LYST: variants seen among roughly 807,000 people sequenced by gnomAD.
LYST encodes lysosomal-trafficking regulator.
Under a neutral mutation model 413.6 loss-of-function variants are expected in LYST, and 192 were observed. The observed-to-expected ratio is 0.46, with a 90% CI of 0.41 to 0.52. LYST has a LOEUF of 0.52. Ranked by LOEUF, LYST falls within the 20% of genes least tolerant of loss-of-function variation. LYST has a pLI of 0.00. For missense variants in LYST, 3,815 were observed against 4,499.9 expected (o/e 0.85, Z 4.35); for synonymous variants, 1,525 against 1,567.3 (o/e 0.97, Z 0.64).
Position 235,806,481 on chromosome 1 carries a change from T to C in LYST, c.2655A>G (p.Arg885=). 6.2e-7 allele frequency: 1 copy of C among 1,614,090 alleles called. No homozygotes were observed. The highest frequency in any genetic ancestry group is 1.7e-5 in the Admixed American group (1 of 60,016). Residue 885 remains arginine, a synonymous_variant, in exon 6 of 53, where the codon AGA becomes AGG. Coordinates refer to ENST00000389793, the MANE Select transcript of LYST (RefSeq NM_000081.4). The stretch of plus-strand genomic sequence containing the variant: ...GAACATCTTGGTTAACAGTCTTCCG[T>C]CTCTTTGGATAAGCTTCTTTGAGGC... ...YAGLKEAYPK[R]RKTVNQDVHI... is the part of the protein sequence containing the mutation.
intron 2 of LYST, among the ~76,000 whole-genome samples, chr1:235,833,307 A>G (rs541285017): frequency 1.3e-4 from 20 of 152,174 alleles, no homozygotes; most frequent in African/African-American, 4.8e-4. Context: ...CAAAGAATAT[A>G]TAACATGAGG....
At chr1:235,795,513 G>A (rs1465886355) in intron 10 of LYST, among the ~76,000 whole-genome samples, 1 of 152,206 alleles carries the variant, frequency 6.6e-6, no homozygotes, top group Non-Finnish European at 1.5e-5. Flanking sequence ...CGCCAGCCAA[G>A]CCCTATATGT....
At chr1:235,837,437 G>A (rs1676690518) in intron 1 of LYST, among the ~76,000 whole-genome samples, 1 of 152,070 alleles carries the variant, frequency 6.6e-6, no homozygotes, top group Non-Finnish European at 1.5e-5. Context: ...AGACCAGCCT[G>A]GGCAACATGG....
chr1:235,876,029 C>T (rs1016186184), intron 1 of LYST, among the ~76,000 whole-genome samples: 1 of 151,856 alleles, frequency 6.6e-6, no homozygotes, highest in Admixed American at 6.6e-5. Context: ...TTGAGACCAG[C>T]CTGGCCAACA....
chr1:235,747,306 A>G, intron 28 of LYST: 1 of 442,990 alleles, frequency 2.3e-6, no homozygotes, highest in South Asian at 1.6e-5. Context: ...GATGAGGAAT[A>G]ATGGAACCCT....
chr1:235,724,052 G>A lies in LYST; in HGVS notation c.9291C>T (p.Leu3097=), dbSNP rs764059443. Residue 3097 remains leucine, a synonymous_variant, in exon 39 of 53, where the codon CTC becomes CTT. Transcript: ENST00000389793. The part of the protein sequence containing the change: ...VEIFLTNGRT[L]LLAFDNTKVR... Reference sequence around the variant, plus strand: ...CCTTGGTGTTATCAAATGCCAACAGGAGTGTTCTGCCATTTGTTAGAAAGA... The same window carrying A: ...CCTTGGTGTTATCAAATGCCAACAGAAGTGTTCTGCCATTTGTTAGAAAGA... The A allele has an allele frequency of 3.1e-6, 5 of 1,613,530 alleles. No individual in the cohort carries two copies. The East Asian group carries it at 8.9e-5, about 29-fold the overall frequency.
chr1:235,810,684 A>G (rs1673368890), intron 4 of LYST, 150 bp from the exon 5 acceptor site: 18 of 695,772 alleles, frequency 2.6e-5, no homozygotes, highest in Admixed American at 1.5e-4. Flanking sequence ...CATTTATGTC[A>G]TATCTCTGGG....
intron 13 of LYST, among the ~76,000 whole-genome samples, chr1:235,787,634 G>C (rs947872377): frequency 6.6e-6 from 1 of 151,940 alleles, no homozygotes. Flanking sequence ...TCAGAATTCA[G>C]TTTGTAAAAA....
At chr1:235,714,450 G>A (rs897878565) in intron 42 of LYST, among the ~76,000 whole-genome samples, 1 of 152,184 alleles carries the variant, frequency 6.6e-6, no homozygotes, top group African/African-American at 2.4e-5. Context: ...CCCTTTTATA[G>A]ACCAATAAGA....
chr1:235,751,396 T>A (rs1281053954), intron 27 of LYST, 34 bp from the exon 28 acceptor site: 1 of 1,584,824 alleles, frequency 6.3e-7, no homozygotes, highest in South Asian at 1.1e-5. Context: ...GTTTTCAAGC[T>A]ATGTGGTTAC....
intron 3 of LYST, chr1:235,827,537 C>A: frequency 1.0e-6 from 1 of 979,328 alleles, no homozygotes; most frequent in Non-Finnish European, 1.2e-6. Context: ...ATGATTTCAT[C>A]TTAAATGATA....
At chr1:235,757,140 A>C in intron 24 of LYST, 141 bp downstream of exon 24, 1 of 590,150 alleles carries the variant, frequency 1.7e-6, no homozygotes, top group Non-Finnish European at 2.9e-6. Flanking sequence ...TATGAGTATT[A>C]AGTAACAAAC....
At chr1:235,815,997 G>T (rs964021618) in intron 3 of LYST, among the ~76,000 whole-genome samples, 3 of 151,406 alleles carry the variant, frequency 2.0e-5, no homozygotes, top group Admixed American at 2.0e-4. Context: ...GGGCGTGGGG[G>T]TGCATGCCTG....
At chr1:235,683,850 G>GC (rs1660016587) in intron 48 of LYST, among the ~76,000 whole-genome samples, 1 of 152,186 alleles carries the variant, frequency 6.6e-6, no homozygotes, top group East Asian at 1.9e-4. Flanking sequence ...CCTTAGAGAT[G>GC]CCAGAATAGC....
intron 36 of LYST, 94 bp from the exon 37 acceptor site, chr1:235,729,751 A>T: frequency 2.3e-6 from 2 of 866,550 alleles, no homozygotes; most frequent in Non-Finnish European, 3.9e-6. Context: ...ATTTCTGCAA[A>T]GCAGACTAGA....
intron 47 of LYST, among the ~76,000 whole-genome samples, chr1:235,687,950 C>T (rs553245799): frequency 1.6e-4 from 24 of 152,326 alleles, no homozygotes; most frequent in Admixed American, 3.9e-4. Context: ...AGTGTGTTCA[C>T]GTCTCTGCTA....
chr1:235,708,307 C>A (rs1470582509), intron 44 of LYST, among the ~76,000 whole-genome samples: 1 of 152,098 alleles, frequency 6.6e-6, no homozygotes, highest in Non-Finnish European at 1.5e-5. Flanking sequence ...TAACAAAGTA[C>A]AAGTACTTTT....
chr1:235,803,936 TAAAATG>T (rs1010867157), intron 7 of LYST, among the ~76,000 whole-genome samples: 2 of 151,992 alleles, frequency 1.3e-5, no homozygotes, highest in Non-Finnish European at 2.9e-5. Flanking sequence ...AAAATAAACA[TAAAATG>T]AGAGGGAAAC....
intron 50 of LYST, among the ~76,000 whole-genome samples, chr1:235,673,807 T>G (rs1211179653): frequency 6.6e-6 from 1 of 152,184 alleles, no homozygotes; most frequent in African/African-American, 2.4e-5. Flanking sequence ...AAAACCAAAG[T>G]AGTTATAATA....
Sources: gnomAD v4.1 joint callset for allele counts (sites outside exome capture counted in the v4.1 genomes callset) on GRCh38, gnomAD v4.1.1 for gene constraint, MANE v1.5 for transcripts, NCBI Gene and HGNC (gene_info 2026-07-23, HGNC 2026-07-21) for gene names.